BAZ2B: variants seen among roughly 807,000 people sequenced by gnomAD.
BAZ2B encodes bromodomain adjacent to zinc finger domain protein 2B.
BAZ2B carries 91 observed loss-of-function variants against 246.0 expected under a neutral mutation model. That is an observed-to-expected ratio of 0.37 (90% CI 0.31 to 0.44). The LOEUF (loss-of-function observed/expected upper bound fraction) is 0.44. BAZ2B is among the 20% of genes least tolerant of loss of function. BAZ2B has a pLI of 1.00. For synonymous variants in BAZ2B, 855 were observed against 860.0 expected (o/e 0.99, Z 0.10); for missense variants, 2,332 against 2,533.7 (o/e 0.92, Z 1.71).
chr2:159,498,223 G>T (rs1057019382), intron 2 of BAZ2B, among the ~76,000 whole-genome samples: 4 of 152,030 alleles, frequency 2.6e-5, no homozygotes, highest in African/African-American at 4.8e-5. Flanking sequence ...TTGGCCAGGA[G>T]AATACAAAGA....
rs1013584301 is a variant in BAZ2B at position 159,382,613 on chromosome 2, A to T, written c.3951T>A (p.Asp1317Glu). The T allele has an allele frequency of 3.2e-6, 5 of 1,562,348 alleles. No individual in the cohort carries two copies. Among genetic ancestry groups the T allele is most frequent in the Non-Finnish European group, 4.3e-6 (5 of 1,151,078 alleles). Residue 1317 changes from aspartate (D) to glutamate (E), a missense_variant, in exon 25 of 37, where the codon GAT (aspartate) becomes GAA (glutamate). Around this residue, in one of 9 missense-constraint regions of BAZ2B, gnomAD observed 676 missense variants for 668.6 expected, o/e 1.01. Transcript: ENST00000392783. The part of the protein sequence containing the change: ...SDDQGDEDDE[D>E]EEDKEDKKGK... ...CTTTTTTGTCTTCTTTATCTTCTTC[A>T]TCCTCATCATCTTCATCCCCTTGGT...
chr2:159,641,518 T>C, the BAZ2B span, among the ~76,000 whole-genome samples: 27 of 152,338 alleles, frequency 1.8e-4, no homozygotes, highest in African/African-American at 6.3e-4. Flanking sequence ...GCAGTCTGTT[T>C]ACTCTGTTGA....
chr2:159,496,865 A>G (rs970340586), intron 2 of BAZ2B, among the ~76,000 whole-genome samples: 2 of 151,892 alleles, frequency 1.3e-5, no homozygotes, highest in Non-Finnish European at 2.9e-5. Flanking sequence ...ATAAAAATTC[A>G]AGAAAAAATT....
chr2:159,588,482 C>G (rs1688570221), intron 1 of BAZ2B, among the ~76,000 whole-genome samples: 1 of 151,940 alleles, frequency 6.6e-6, no homozygotes, highest in African/African-American at 2.4e-5. Context: ...TATGATTGGT[C>G]ACTGCACTCC....
rs1303581875 is a variant in BAZ2B, at chr2:159,515,412, T to C, written c.-2-36691A>G. On this transcript the variant is annotated intron_variant, in intron 2 of 36. Transcript: ENST00000392783. ...TTTATATTCCTTTGGTAATATTATATTAAAGATTGAGCAAAACTAAGAGTT... is the reference window on the plus strand; with the variant it reads ...TTTATATTCCTTTGGTAATATTATACTAAAGATTGAGCAAAACTAAGAGTT... Among the ~76,000 whole-genome samples the C allele has an allele frequency of 2.6e-5, 4 of 152,146 alleles. No homozygotes were observed. The East Asian group carries it at 7.7e-4, about 29-fold the overall frequency.
At chr2:159,576,697 A>T (rs187977841) in intron 1 of BAZ2B, among the ~76,000 whole-genome samples, 1 of 139,300 alleles carries the variant, frequency 7.2e-6, no homozygotes, top group Admixed American at 7.2e-5. Context: ...GTGGATCACG[A>T]GGTCGGGAGT....
intron 2 of BAZ2B, among the ~76,000 whole-genome samples, chr2:159,490,386 A>G (rs1368674694): frequency 1.3e-5 from 2 of 152,250 alleles, no homozygotes; most frequent in Non-Finnish European, 2.9e-5. Context: ...GAAGTTTACT[A>G]GCATGGGTAT....
the BAZ2B span, chr2:159,694,240 A>G: frequency 1.3e-5 from 2 of 152,244 alleles, no homozygotes; most frequent in African/African-American, 4.8e-5. Flanking sequence ...AAGAGGCCTG[A>G]GAATGAAAAC....
At chr2:159,668,715 T>C in the BAZ2B span, among the ~76,000 whole-genome samples, 1 of 152,280 alleles carries the variant, frequency 6.6e-6, no homozygotes, top group South Asian at 2.1e-4. Context: ...AATTTGCTTT[T>C]CCTAGTCTAG....
intron 2 of BAZ2B, among the ~76,000 whole-genome samples, chr2:159,502,467 G>GA (rs34450681): frequency 0.064 from 8,855 of 137,660 alleles, 344 homozygotes; most frequent in Middle Eastern, 0.12. Context: ...TCTCAAAAAG[G>GA]AAAAAAAAAA....
Position 159,431,069 on chromosome 2 carries a change from G to T in BAZ2B, c.1988C>A (p.Thr663Asn). The change falls in exon 10 of 37, where the codon ACT becomes AAT. Residue 663 changes from threonine to asparagine, a missense_variant. By Grantham distance (65) the Thr-to-Asn change is moderately conservative. Coordinates refer to ENST00000392783, the MANE Select transcript of BAZ2B (RefSeq NM_013450.4). ...TTTCATTGAAGTTTTCTCTCCTTCA[G>T]TATCACTATCTGATTCATCTTGGTC... ...DKDQDESDSD[T>N]EGEKTSMKLN... 1 of 1,613,994 alleles carries T rather than the reference G, an allele frequency of 6.2e-7. No homozygotes were observed. Among genetic ancestry groups the T allele is most frequent in the Non-Finnish European group, 8.5e-7 (1 of 1,179,912 alleles).
intron 1 of BAZ2B, among the ~76,000 whole-genome samples, chr2:159,611,138 C>A (rs566196859): frequency 6.6e-6 from 1 of 151,850 alleles, no homozygotes; most frequent in Non-Finnish European, 1.5e-5. Flanking sequence ...TTTAAAATGA[C>A]CTTTCTATTG....
At chr2:159,607,474 C>T (rs1693760877) in intron 1 of BAZ2B, among the ~76,000 whole-genome samples, 2 of 152,116 alleles carry the variant, frequency 1.3e-5, no homozygotes, top group African/African-American at 4.8e-5. Context: ...CAGTTTTAAC[C>T]CGGCCTTCAC....
intron 1 of BAZ2B, among the ~76,000 whole-genome samples, chr2:159,614,789 A>G (rs1484684986): frequency 6.6e-6 from 1 of 152,216 alleles, no homozygotes; most frequent in African/African-American, 2.4e-5. Context: ...ACTTATCAGT[A>G]ACCTGTAAGT....
chr2:159,542,333 C>G (rs907754876), intron 2 of BAZ2B, among the ~76,000 whole-genome samples: 11 of 152,138 alleles, frequency 7.2e-5, no homozygotes, highest in Non-Finnish European at 2.9e-5. Flanking sequence ...TCCATATCCA[C>G]AAGCTAAATG....
At chr2:159,645,149 A>C in the BAZ2B span, among the ~76,000 whole-genome samples, 2 of 152,112 alleles carry the variant, frequency 1.3e-5, no homozygotes, top group African/African-American at 2.4e-5. Context: ...GCATGCACCT[A>C]TAGTCTCAGC....
At chr2:159,448,069 AGCTAT>A (rs1462575064) in intron 5 of BAZ2B, among the ~76,000 whole-genome samples, 168 bp downstream of exon 5, 1 of 152,200 alleles carries the variant, frequency 6.6e-6, no homozygotes, top group East Asian at 1.9e-4. Flanking sequence ...GGCTACAGTA[AGCTAT>A]GATCATACAA....
chr2:159,375,983 T>C (rs978412917), intron 25 of BAZ2B, among the ~76,000 whole-genome samples: 6 of 152,188 alleles, frequency 3.9e-5, no homozygotes, highest in Non-Finnish European at 7.4e-5. Flanking sequence ...ATTTCATAAA[T>C]AGAAGGTTTG....
chr2:159,502,868 T>C (rs2081986461), intron 2 of BAZ2B, among the ~76,000 whole-genome samples: 1 of 152,214 alleles, frequency 6.6e-6, no homozygotes, highest in Non-Finnish European at 1.5e-5. Flanking sequence ...GTCCATTTAG[T>C]AATCTTGCAC....
Sources: allele counts gnomAD v4.1 joint callset (sites outside exome capture counted in the v4.1 genomes callset), GRCh38; gene constraint gnomAD v4.1.1; regional missense constraint gnomAD v4.1.1; transcripts MANE v1.5; gene names NCBI Gene and HGNC (gene_info 2026-07-23, HGNC 2026-07-21).